Variants in GADL1 observed in about 807,000 individuals in gnomAD.
The protein encoded by GADL1 is GAD like acidic amino acid decarboxylase 1, also known as acidic amino acid decarboxylase GADL1.
A neutral mutation model predicts 69.5 loss-of-function variants in GADL1; 71 were observed. The observed-to-expected ratio is 1.02, with a 90% confidence interval of 0.84 to 1.25. The LOEUF is 1.25. Among genes scored for constraint, GADL1 ranks in the 50% most tolerant of loss-of-function variants. The pLI is 0.00. For synonymous variants in GADL1, 254 were observed against 214.4 expected (o/e 1.18, Z -1.62); for missense variants, 737 against 631.8 (o/e 1.17, Z -1.79).
chr3:30,893,500 T>C (rs2125549315), intron 1 of GADL1, among the ~76,000 whole-genome samples: 1 of 152,306 alleles, frequency 6.6e-6, no homozygotes, highest in South Asian at 2.1e-4. Context: ...ACTGCAGCTT[T>C]ATACCCATTG....
Position 30,861,564 on chromosome 3 carries a change from T to C in GADL1, c.210+29A>G, listed in dbSNP as rs1344210666. On this transcript the variant is annotated intron_variant, in intron 2 of 14. Coordinates refer to ENST00000282538, the MANE Select transcript of GADL1 (RefSeq NM_207359.3). ...GGGGAACATCTATCTTTCCCATTTC[T>C]GCAATTTCTTACAGGTTTTAATTTT... The C allele has an allele frequency of 2.0e-6, 3 of 1,503,172 alleles. No individual in the cohort carries two copies. The African/African-American group carries it at 4.2e-5, about 21-fold the overall frequency. The allele number at this position is 1,503,172 out of a possible 1,614,324, so 93.1% of individuals were successfully genotyped here.
intron 8 of GADL1, among the ~76,000 whole-genome samples, chr3:30,840,679 T>C (rs1197014582): frequency 6.6e-6 from 1 of 152,190 alleles, no homozygotes; most frequent in African/African-American, 2.4e-5. Context: ...AGAAAATACA[T>C]TTGCAAGCTA....
chr3:30,763,566 A>C lies in GADL1; in HGVS notation c.1392+14613T>G, dbSNP rs1696194294. Among the ~76,000 whole-genome samples, 3 of 151,886 alleles carry C rather than the reference A, an allele frequency of 2.0e-5. No individual in the cohort carries two copies. The South Asian group carries it at 6.5e-4, about 33-fold the overall frequency. On this transcript the variant is annotated intron_variant, in intron 14 of 14. Coordinates refer to ENST00000282538, the MANE Select transcript of GADL1 (RefSeq NM_207359.3). Reference sequence around the variant, plus strand: ...AAAACTATTACACCTAACCTACCAAATATCACCACTTAGCCAAATCTACCT... The same window carrying C: ...AAAACTATTACACCTAACCTACCAACTATCACCACTTAGCCAAATCTACCT...
At chr3:30,859,292 C>T (rs754176378) in intron 2 of GADL1, among the ~76,000 whole-genome samples, 12 of 151,872 alleles carry the variant, frequency 7.9e-5, no homozygotes, top group Non-Finnish European at 1.8e-4. Context: ...AACTATGATG[C>T]TATAACCATG....
chr3:30,884,145 C>A (rs1698676066), intron 1 of GADL1, among the ~76,000 whole-genome samples: 1 of 151,898 alleles, frequency 6.6e-6, no homozygotes, highest in Non-Finnish European at 1.5e-5. Context: ...GTGAGGACAA[C>A]ACTTTCTACG....
intron 14 of GADL1, among the ~76,000 whole-genome samples, chr3:30,764,151 G>T (rs1696210567): frequency 1.6e-5 from 2 of 127,730 alleles, no homozygotes; most frequent in Non-Finnish European, 3.4e-5. Flanking sequence ...ACGCTTTACT[G>T]AAGTGATTTT....
At chr3:30,841,180 T>C (rs1218803562) in intron 8 of GADL1, among the ~76,000 whole-genome samples, 2 of 152,178 alleles carry the variant, frequency 1.3e-5, no homozygotes, top group Non-Finnish European at 2.9e-5. Flanking sequence ...CCAGTCATCA[T>C]GTATTATTAT....
chr3:30,757,833 CT>C (rs988164889), intron 14 of GADL1, among the ~76,000 whole-genome samples: 8 of 152,182 alleles, frequency 5.3e-5, no homozygotes, highest in African/African-American at 1.9e-4. Context: ...CCAGAATACA[CT>C]AATAGCAAAG....
At chr3:30,853,094 T>C (rs1357096948) in intron 4 of GADL1, among the ~76,000 whole-genome samples, 2 of 152,116 alleles carry the variant, frequency 1.3e-5, no homozygotes, top group Non-Finnish European at 2.9e-5. Flanking sequence ...TTTTGTTTTT[T>C]TCCTTCTATT....
chr3:30,855,703 C>T (rs989380105), intron 3 of GADL1, among the ~76,000 whole-genome samples: 5 of 152,004 alleles, frequency 3.3e-5, no homozygotes, highest in African/African-American at 1.2e-4. Flanking sequence ...GCTTGGCATT[C>T]TCAATCTCAG....
In GADL1 at chr3:30,759,345, CTCTTGCCCT is replaced by C. The variant is rs1696064635; in HGVS notation, c.1392+18825_1392+18833del. On this transcript the variant is annotated intron_variant, in intron 14 of 14. Coordinates refer to ENST00000282538, the MANE Select transcript of GADL1 (RefSeq NM_207359.3). ...ATTTCTAAACAATAGCTAAGAGGAGCTCTTGCCCTTCTTTCTGTACCTCCAGTACTTGTT... is the reference window on the plus strand; with the variant it reads ...ATTTCTAAACAATAGCTAAGAGGAGCTCTTTCTGTACCTCCAGTACTTGTT... 2.0e-5 allele frequency among the ~76,000 whole-genome samples: 3 copies of C among 152,316 alleles called. No homozygotes were observed. The South Asian group carries it at 6.2e-4, about 32-fold the overall frequency.
intron 2 of GADL1, among the ~76,000 whole-genome samples, chr3:30,861,131 A>G (rs745331155): frequency 6.6e-6 from 1 of 151,970 alleles, no homozygotes; most frequent in Non-Finnish European, 1.5e-5. Flanking sequence ...AAATTTAGAC[A>G]AGCTCTTCAT....
At chr3:30,796,903 GTCT>G (rs1424908146) in intron 12 of GADL1, among the ~76,000 whole-genome samples, 2 of 151,986 alleles carry the variant, frequency 1.3e-5, no homozygotes, top group Non-Finnish European at 2.9e-5. Context: ...ACTTCTAAAA[GTCT>G]TCTGAAAATG....
Position 30,868,555 on chromosome 3 carries a change from A to G in GADL1, c.38-6790T>C, listed in dbSNP as rs192997917. On this transcript the variant is annotated intron_variant, in intron 1 of 14. Coordinates refer to ENST00000282538, the MANE Select transcript of GADL1 (RefSeq NM_207359.3). The stretch of plus-strand genomic sequence containing the variant: ...TTTCTGGCAAATGGGGAAAACAGCT[A>G]TGAGTCATTGAAAGGGTCAAATGTG... 2.3e-3 allele frequency among the ~76,000 whole-genome samples: 355 copies of G among 152,106 alleles called. 7 individuals carry two copies. The highest frequency in any genetic ancestry group is 8.3e-3 in the African/African-American group (344 of 41,494).
At chr3:30,772,909 A>G (rs559271907) in intron 14 of GADL1, among the ~76,000 whole-genome samples, 139 of 152,202 alleles carry the variant, frequency 9.1e-4, no homozygotes, top group Non-Finnish European at 1.4e-3. Flanking sequence ...CTCTACCACA[A>G]TGCCCGAAGC....
At chr3:30,798,744 C>T (rs1001411226) in intron 12 of GADL1, 18 of 138,422 alleles carry the variant, frequency 1.3e-4, no homozygotes, top group African/African-American at 5.0e-4. Context: ...CAAGTCTCTT[C>T]TGCCTACGAA....
chr3:30,854,461 T>G (rs981524939), intron 4 of GADL1, among the ~76,000 whole-genome samples: 2 of 152,102 alleles, frequency 1.3e-5, no homozygotes, highest in African/African-American at 4.8e-5. Context: ...CCTAATCAAT[T>G]TTCTCATCTG....
rs1696682466 is a variant in GADL1, at chr3:30,782,272, AGG to A, written c.1303-4006_1303-4005del. Among the ~76,000 whole-genome samples the A allele has an allele frequency of 2.6e-5, 4 of 152,276 alleles. No individual in the cohort carries two copies. The South Asian group carries it at 8.3e-4, about 32-fold the overall frequency. ...AGCAGCAGTGTGGCAGTTAGGCTGGAGGGATCTAAGACTGGAAGTGGGACACA... is the reference window on the plus strand; with the variant it reads ...AGCAGCAGTGTGGCAGTTAGGCTGGAGATCTAAGACTGGAAGTGGGACACA... On this transcript the variant is annotated intron_variant, in intron 13 of 14. Coordinates refer to ENST00000282538, the MANE Select transcript of GADL1 (RefSeq NM_207359.3).
chr3:30,808,556 G>A (rs1322036057), intron 11 of GADL1, among the ~76,000 whole-genome samples: 1 of 151,870 alleles, frequency 6.6e-6, no homozygotes, highest in African/African-American at 2.4e-5. Flanking sequence ...TAAAGTATAG[G>A]TCAATACAAA....
Sources: gnomAD v4.1 joint callset for allele counts (sites outside exome capture counted in the v4.1 genomes callset) on GRCh38, gnomAD v4.1.1 for gene constraint, MANE v1.5 for transcripts, NCBI Gene and HGNC (gene_info 2026-07-23, HGNC 2026-07-21) for gene names.